Variants in SHISA9 observed in about 807,000 individuals in gnomAD.
SHISA9 encodes shisa family member 9.
Under a neutral mutation model 38.0 loss-of-function variants are expected in SHISA9, and 13 were observed. The ratio of observed to expected loss-of-function variants is 0.34; its 90% CI spans 0.22 to 0.54. The LOEUF is 0.54. SHISA9 is among the 20% of genes least tolerant of loss of function. The pLI is 0.91. For missense variants in SHISA9, 538 were observed against 575.8 expected, an observed-to-expected ratio of 0.93 and a Z score of 0.67; for synonymous variants, 275 against 242.0, an observed-to-expected ratio of 1.14 and a Z score of -1.27.
At chr16:13,267,743 C>G in the SHISA9 span, among the ~76,000 whole-genome samples, 1 of 152,136 alleles carries the variant, frequency 6.6e-6, no homozygotes, top group South Asian at 2.1e-4. Context: ...TCTGCTCCAT[C>G]TTCTCTGTGT....
the SHISA9 span, among the ~76,000 whole-genome samples, chr16:13,309,305 G>C: frequency 6.6e-6 from 1 of 152,072 alleles, no homozygotes; most frequent in African/African-American, 2.4e-5. Context: ...ACGTTTACCC[G>C]TGTAGCAAAC....
intron 2 of SHISA9, among the ~76,000 whole-genome samples, chr16:13,024,039 T>G (rs553953041): frequency 6.6e-6 from 1 of 152,320 alleles, no homozygotes; most frequent in African/African-American, 2.4e-5. Flanking sequence ...GCCTTTTATG[T>G]GCGAGGAACT....
At position 12,986,211 on chromosome 16, in the gene SHISA9, T is replaced by C. The variant is rs115087692; in HGVS notation, c.691+69396T>C. On this transcript the variant is annotated intron_variant, in intron 2 of 4. Transcript: ENST00000558583. ...GAAGATAGCCGGTATGTACAAGTAT[T>C]TCCATAGTGGGTATTAAAATATTGA... Among the ~76,000 whole-genome samples the C allele has an allele frequency of 6.1e-3, 926 of 152,318 alleles. 11 individuals are homozygous for C. The highest frequency in any genetic ancestry group is 0.021 in the African/African-American group (891 of 41,554).
At chr16:13,177,960 G>A (rs1413850278) in intron 2 of SHISA9, among the ~76,000 whole-genome samples, 1 of 152,136 alleles carries the variant, frequency 6.6e-6, no homozygotes, top group Non-Finnish European at 1.5e-5. Flanking sequence ...GAGTCACTGC[G>A]CCCGGCCAGG....
Position 12,970,493 on chromosome 16 carries a change from A to T in SHISA9, c.691+53678A>T, listed in dbSNP as rs1341418311. Among the ~76,000 whole-genome samples the T allele has an allele frequency of 1.0e-3, 31 of 30,370 alleles. 2 individuals carry two copies. The highest frequency in any genetic ancestry group is 1.3e-3 in the African/African-American group (10 of 7,806). 19.9% of individuals were successfully genotyped at this position (30,370 alleles called of 152,430 possible). A position where few individuals can be genotyped will look rare whatever the true frequency, so the allele number is the denominator to read the frequency against. ...TGTATATATATATATATATATATATATATATTTTTTTTTTTTTTTTTTTTT... is the reference window on the plus strand; with the variant it reads ...TGTATATATATATATATATATATATTTATATTTTTTTTTTTTTTTTTTTTT... On this transcript the variant is annotated intron_variant, in intron 2 of 4. Transcript: ENST00000558583.
chr16:12,912,197 C>G (rs6498361), intron 1 of SHISA9, among the ~76,000 whole-genome samples: 103,895 of 149,432 alleles, frequency 0.7, 36,089 homozygotes, highest in East Asian at 0.82. Context: ...TGAGCGAGCC[C>G]CACTTCAAAG....
At chr16:13,519,671 G>T in the SHISA9 span, among the ~76,000 whole-genome samples, 1 of 152,210 alleles carries the variant, frequency 6.6e-6, no homozygotes, top group Non-Finnish European at 1.5e-5. Flanking sequence ...CCACAGGGCT[G>T]GGGAGGCCTC....
At chr16:13,049,172 G>C (rs866121835) in intron 2 of SHISA9, among the ~76,000 whole-genome samples, 4,754 of 147,776 alleles carry the variant, frequency 0.032, 196 homozygotes, top group African/African-American at 0.09. Context: ...GTGTGTGTGT[G>C]TGTGTGTGTG....
chr16:13,267,606 T>C, the SHISA9 span, among the ~76,000 whole-genome samples: 2 of 152,172 alleles, frequency 1.3e-5, no homozygotes, highest in Admixed American at 6.5e-5. Context: ...GTGTTATTTA[T>C]AATGTTGAAA....
chr16:13,277,783 C>T, the SHISA9 span, among the ~76,000 whole-genome samples: 2 of 151,896 alleles, frequency 1.3e-5, no homozygotes, highest in African/African-American at 4.8e-5. Context: ...TATCCAGAAA[C>T]TTTGCTGAAT....
chr16:13,074,748 T>A (rs2073561220), intron 2 of SHISA9, among the ~76,000 whole-genome samples: 1 of 151,168 alleles, frequency 6.6e-6, no homozygotes, highest in Admixed American at 6.6e-5. Flanking sequence ...CACTGCAACC[T>A]CTGCCTCCCA....
the SHISA9 span, among the ~76,000 whole-genome samples, chr16:13,523,055 T>C: frequency 6.6e-6 from 1 of 152,014 alleles, no homozygotes; most frequent in African/African-American, 2.4e-5. Flanking sequence ...TTTAAAAAAA[T>C]GGAAGACCCA....
chr16:13,470,428 C>T, the SHISA9 span, among the ~76,000 whole-genome samples: 2 of 152,242 alleles, frequency 1.3e-5, no homozygotes, highest in Middle Eastern at 3.4e-3. Context: ...TTAATGGGCT[C>T]ACAGTTCCAC....
chr16:13,319,311 A>G, the SHISA9 span, among the ~76,000 whole-genome samples: 1 of 152,116 alleles, frequency 6.6e-6, no homozygotes, highest in East Asian at 1.9e-4. Context: ...CACCTGGCCA[A>G]CCACATTTAT....
the SHISA9 span, among the ~76,000 whole-genome samples, chr16:13,542,655 CA>C: frequency 6.6e-6 from 1 of 152,188 alleles, no homozygotes; most frequent in Non-Finnish European, 1.5e-5. Context: ...CCCTATTTCC[CA>C]GGGACAACAA....
At chr16:13,455,695 T>G in the SHISA9 span, among the ~76,000 whole-genome samples, 1 of 152,106 alleles carries the variant, frequency 6.6e-6, no homozygotes, top group Non-Finnish European at 1.5e-5. Flanking sequence ...GTGTGGAGTT[T>G]TGCAGTTAAC....
At chr16:13,211,458 A>G (rs544181289) in intron 3 of SHISA9, among the ~76,000 whole-genome samples, 159 of 152,344 alleles carry the variant, frequency 1.0e-3, no homozygotes, top group African/African-American at 3.6e-3. Context: ...TGTTTAAAAA[A>G]AAAGCATACA....
intron 2 of SHISA9, among the ~76,000 whole-genome samples, chr16:13,048,965 C>G (rs539845461): frequency 4.1e-4 from 63 of 152,322 alleles, no homozygotes; most frequent in African/African-American, 1.5e-3. Context: ...TTGACTGAGT[C>G]TGCCATTCAA....
chr16:13,107,333 G>T (rs1364312965), intron 2 of SHISA9, among the ~76,000 whole-genome samples: 1 of 152,078 alleles, frequency 6.6e-6, no homozygotes, highest in Non-Finnish European at 1.5e-5. Context: ...TACTTGGGAG[G>T]CTGAGGCAGG....
Sources: gnomAD v4.1 joint callset for allele counts (sites outside exome capture counted in the v4.1 genomes callset) on GRCh38, gnomAD v4.1.1 for gene constraint, MANE v1.5 for transcripts, NCBI Gene and HGNC (gene_info 2026-07-23, HGNC 2026-07-21) for gene names.